PSTPIP1: variants seen among roughly 807,000 people sequenced by gnomAD.
The protein encoded by PSTPIP1 is proline-serine-threonine phosphatase-interacting protein 1.
A neutral mutation model predicts 69.6 loss-of-function variants in PSTPIP1; 66 were observed. That is an observed-to-expected ratio of 0.95 (90% CI 0.78 to 1.16). The LOEUF is 1.16. Ranked by LOEUF, PSTPIP1 falls within the 50% of genes most tolerant of loss-of-function variation. PSTPIP1 has a pLI of 0.00. For missense variants in PSTPIP1, 603 were observed against 557.4 expected (o/e 1.08, Z -0.82); for synonymous variants, 266 against 222.7 (o/e 1.19, Z -1.73).
intron 1 of PSTPIP1, among the ~76,000 whole-genome samples, chr15:77,011,532 G>A: frequency 6.6e-6 from 1 of 152,244 alleles, no homozygotes; most frequent in East Asian, 1.9e-4. Context: ...CAGCCCAGGT[G>A]AACAAAGAGT....
chr15:77,013,676 T>C (rs1466729637), intron 1 of PSTPIP1, among the ~76,000 whole-genome samples: 2 of 152,160 alleles, frequency 1.3e-5, no homozygotes, highest in Non-Finnish European at 2.9e-5. Flanking sequence ...GCTATTCTCA[T>C]GGACAGAATT....
intron 3 of PSTPIP1, 115 bp from the exon 4 acceptor site, chr15:77,025,169 G>C (rs2076249420): frequency 1.7e-6 from 2 of 1,197,324 alleles, no homozygotes; most frequent in Non-Finnish European, 2.5e-6. Flanking sequence ...AGTGACCCAG[G>C]GTCTTCCCAC....
intron 12 of PSTPIP1, among the ~76,000 whole-genome samples, chr15:77,033,208 G>A (rs2076465567): frequency 6.6e-6 from 1 of 152,222 alleles, no homozygotes; most frequent in South Asian, 2.1e-4. Flanking sequence ...GAGCTCTGGG[G>A]AGGCCCCTAT....
intron 1 of PSTPIP1, among the ~76,000 whole-genome samples, chr15:77,000,842 TC>T (rs2075692604): frequency 6.6e-6 from 1 of 152,088 alleles, no homozygotes; most frequent in African/African-American, 2.4e-5. Flanking sequence ...TGCACGGCCC[TC>T]CCTCCTTTTT....
At chr15:77,014,308 C>G (rs954178800) in intron 1 of PSTPIP1, among the ~76,000 whole-genome samples, 1 of 152,192 alleles carries the variant, frequency 6.6e-6, no homozygotes, top group African/African-American at 2.4e-5. Context: ...CACGATTTCA[C>G]TTGCTTCTCG....
chr15:77,032,380 G>A lies in PSTPIP1; in HGVS notation c.824G>A (p.Gly275Asp). Residue 275 changes from glycine (G) to aspartate (D), a missense_variant, in exon 11 of 15, where the codon GGC (glycine) becomes GAC (aspartate). Coordinates refer to ENST00000558012, the MANE Select transcript of PSTPIP1 (RefSeq NM_003978.5). ...AGTTTCATCCAGGCCAAGAGCACGG[G>A]CACAGAGCCCCCCGGTGAGGTCCGG... ...IDSFIQAKST[G>D]TEPPAPVPYQ... 6.2e-7 allele frequency: 1 copy of A among 1,612,686 alleles called. No homozygotes were observed. The highest frequency in any genetic ancestry group is 8.5e-7 in the Non-Finnish European group (1 of 1,179,790).
chr15:77,027,636 A>G lies in PSTPIP1; in HGVS notation c.355-216A>G, dbSNP rs2076310099. ...GCTCTGGCCAAGGTCTGCAGCAAGG[A>G]CCTCACGGCACACCCATGCCCTGTG... On this transcript the variant is annotated intron_variant, in intron 5 of 14. Transcript: ENST00000558012. The surrounding 1 kb of genome is among the most constrained non-coding windows in gnomAD (Gnocchi z 4.3). The G allele has an allele frequency of 1.7e-6, 1 of 605,692 alleles. No individual in the cohort carries two copies. Among genetic ancestry groups the G allele is most frequent in the Non-Finnish European group, 3.1e-6 (1 of 324,432 alleles). The allele number at this position is 605,692 out of a possible 1,614,324, so 37.5% of individuals were successfully genotyped here. A position where few individuals can be genotyped will look rare whatever the true frequency, so the allele number is the denominator to read the frequency against.
intron 2 of PSTPIP1, 35 bp from the exon 3 acceptor site, chr15:77,018,422 C>A: frequency 1.3e-6 from 2 of 1,556,686 alleles, no homozygotes; most frequent in South Asian, 2.4e-5. Context: ...GGTGGCAAGT[C>A]ACTGATGATC....
Position 77,030,702 on chromosome 15 carries a change from G to A in PSTPIP1, c.642+121G>A, listed in dbSNP as rs530110553. The stretch of plus-strand genomic sequence containing the variant: ...TGGGGAAGGTACCTGTTACTCACTC[G>A]TTTATTCAGCCTCCTGCTCACAGGC... On this transcript the variant is annotated intron_variant, in intron 9 of 14. Coordinates refer to ENST00000558012, the MANE Select transcript of PSTPIP1 (RefSeq NM_003978.5). The A allele has an allele frequency of 2.2e-4, 217 of 1,002,892 alleles. 1 individual carries two copies. The highest frequency in any genetic ancestry group is 1.3e-3 in the Middle Eastern group (6 of 4,534). 62.1% of individuals were successfully genotyped at this position (1,002,892 alleles called of 1,614,324 possible).
At chr15:77,011,817 T>G (rs764357664) in intron 1 of PSTPIP1, among the ~76,000 whole-genome samples, 1 of 152,106 alleles carries the variant, frequency 6.6e-6, no homozygotes, top group Non-Finnish European at 1.5e-5. Flanking sequence ...GCTCCTCACC[T>G]GTCAAAGCCC....
At chr15:77,013,275 C>T (rs2075982266) in intron 1 of PSTPIP1, among the ~76,000 whole-genome samples, 1 of 152,224 alleles carries the variant, frequency 6.6e-6, no homozygotes, top group Non-Finnish European at 1.5e-5. Flanking sequence ...ATTTCACTCT[C>T]ATTCAATTTA....
At position 76,995,149 on chromosome 15, in the gene PSTPIP1, G is replaced by GATGCCTGCCTGC; in HGVS notation, c.-425_-424insATGCCTGCCTGC. 1 of 1,170,604 alleles carries GATGCCTGCCTGC rather than the reference G, an allele frequency of 8.5e-7. No individual in the cohort carries two copies. The highest frequency in any genetic ancestry group is 1.1e-6 in the Non-Finnish European group (1 of 933,580). The allele number at this position is 1,170,604 out of a possible 1,614,324, so 72.5% of individuals were successfully genotyped here. On this transcript the variant is annotated 5_prime_UTR_variant, in exon 1 of 15. It adds an upstream start codon to the 5' untranslated region. Coordinates refer to ENST00000558012, the MANE Select transcript of PSTPIP1 (RefSeq NM_003978.5). ...ACAAACCTTCCTGCGCAGGCCTCGG[G>GATGCCTGCCTGC]CTGCCTGCCTGCCTGCCTGCCTGGC...
chr15:77,036,057 C>G, intron 14 of PSTPIP1, 122 bp downstream of exon 14: 1 of 1,327,230 alleles, frequency 7.5e-7, no homozygotes, highest in Non-Finnish European at 1.0e-6. Flanking sequence ...CGAGCATCCT[C>G]TCCTCCTCAG....
intron 1 of PSTPIP1, among the ~76,000 whole-genome samples, chr15:77,011,378 G>T (rs1045830740): frequency 6.6e-6 from 1 of 152,212 alleles, no homozygotes; most frequent in East Asian, 1.9e-4. Flanking sequence ...CAGCACAGTG[G>T]AGCCCAGCCC....
At chr15:77,025,404 G>A (rs2076256710) in intron 4 of PSTPIP1, 86 bp downstream of exon 4, 6 of 1,579,728 alleles carry the variant, frequency 3.8e-6, no homozygotes, top group East Asian at 2.2e-5. Flanking sequence ...GAGGTGTTGG[G>A]GCTGGGGCTG....
chr15:77,027,871 G>T lies in PSTPIP1; in HGVS notation c.374G>T (p.Arg125Leu). The change falls in exon 6 of 15, where the codon CGG (arginine) becomes CTG (leucine). Residue 125 changes from arginine to leucine, a missense_variant. Arg to Leu is a moderately radical substitution (Grantham distance 102). Transcript: ENST00000558012. The surrounding 1 kb of genome is among the most constrained non-coding windows in gnomAD (Gnocchi z 4.3). ...QRKKYEAVMD[R>L]VQKSKLSLYK... ...CTGCAGTATGAGGCCGTCATGGACC[G>T]GGTCCAGAAGAGCAAGCTGTCGCTC... The T allele has an allele frequency of 6.4e-7, 1 of 1,569,564 alleles. No individual in the cohort carries two copies. The highest frequency in any genetic ancestry group is 2.4e-5 in the East Asian group (1 of 42,002).
intron 5 of PSTPIP1, among the ~76,000 whole-genome samples, 187 bp downstream of exon 5, chr15:77,025,791 C>G (rs1454108320): frequency 6.6e-6 from 1 of 152,172 alleles, no homozygotes; most frequent in African/African-American, 2.4e-5. Context: ...GGCCTGGCCG[C>G]TGGCACTAAG....
intron 6 of PSTPIP1, chr15:77,028,284 C>T: frequency 4.1e-6 from 2 of 491,952 alleles, no homozygotes; most frequent in African/African-American, 2.0e-5. Context: ...GAGGGGCGTG[C>T]CCTCGCCGAA....
At chr15:76,995,107 G>T, upstream of PSTPIP1, 3 of 1,175,968 alleles carry the variant, frequency 2.6e-6, no homozygotes, top group Non-Finnish European at 3.2e-6. Context: ...CCCTGTGCCT[G>T]CCCCGGGGGA....
Sources: allele counts gnomAD v4.1 joint callset (sites outside exome capture counted in the v4.1 genomes callset), GRCh38; gene constraint gnomAD v4.1.1; non-coding constraint Gnocchi (gnomAD v3.1); transcripts MANE v1.5; gene names NCBI Gene and HGNC (gene_info 2026-07-23, HGNC 2026-07-21).